Variants in HS3ST5 observed in about 807,000 individuals in gnomAD.
HS3ST5 encodes the protein heparan sulfate-glucosamine 3-sulfotransferase 5.
In HS3ST5, 10 loss-of-function variants were observed where a neutral mutation model predicts 25.4. The observed-to-expected ratio is 0.39, with a 90% CI of 0.24 to 0.67. HS3ST5 has a LOEUF of 0.67. Among genes scored for constraint, HS3ST5 ranks in the 30% least tolerant of loss-of-function variants. HS3ST5 has a pLI of 0.44. For synonymous variants in HS3ST5, 170 were observed against 162.4 expected (o/e 1.05, Z -0.36); for missense variants, 324 against 420.7 (o/e 0.77, Z 2.01).
At chr6:114,308,351 C>T (rs969786003) in intron 1 of HS3ST5, among the ~76,000 whole-genome samples, 3 of 152,042 alleles carry the variant, frequency 2.0e-5, no homozygotes, top group East Asian at 1.9e-4. Flanking sequence ...TTTGGGAGGC[C>T]GAGGCGGGCA....
At chr6:114,250,324 G>A (rs543811154) in intron 1 of HS3ST5, among the ~76,000 whole-genome samples, 5 of 152,202 alleles carry the variant, frequency 3.3e-5, no homozygotes, top group Admixed American at 6.5e-5. Flanking sequence ...GCTCAGGCCT[G>A]TAATCCCAGC....
chr6:114,212,648 C>A (rs763716547), intron 2 of HS3ST5, among the ~76,000 whole-genome samples: 3 of 152,224 alleles, frequency 2.0e-5, no homozygotes, highest in African/African-American at 4.8e-5. Flanking sequence ...AGAAAGCTCT[C>A]TCCATTTTAT....
intron 2 of HS3ST5, among the ~76,000 whole-genome samples, chr6:114,180,879 G>C (rs1396512002): frequency 6.6e-6 from 1 of 152,168 alleles, no homozygotes; most frequent in Non-Finnish European, 1.5e-5. Flanking sequence ...ATCCCTCAGA[G>C]CTAACCTATC....
chr6:114,184,540 T>C (rs1780125742), intron 2 of HS3ST5, among the ~76,000 whole-genome samples: 1 of 152,220 alleles, frequency 6.6e-6, no homozygotes, highest in South Asian at 2.1e-4. Context: ...TTTCACAGGA[T>C]GTGACCATAG....
At chr6:114,136,585 T>G (rs185859398) in intron 3 of HS3ST5, among the ~76,000 whole-genome samples, 1 of 152,264 alleles carries the variant, frequency 6.6e-6, no homozygotes, top group East Asian at 1.9e-4. Flanking sequence ...TGAAGTGAAT[T>G]GGGCATTAAC....
chr6:114,267,412 A>C (rs999323242), intron 1 of HS3ST5, among the ~76,000 whole-genome samples: 1 of 152,106 alleles, frequency 6.6e-6, no homozygotes, highest in Admixed American at 6.5e-5. Context: ...AGCACCTACC[A>C]CTTCCCACCA....
chr6:114,257,616 G>C (rs1772989536), intron 1 of HS3ST5, among the ~76,000 whole-genome samples: 1 of 152,172 alleles, frequency 6.6e-6, no homozygotes, highest in Admixed American at 6.5e-5. Flanking sequence ...TACCCTGGTT[G>C]AGGCAACCCT....
At chr6:114,271,184 C>T (rs1159644503) in intron 1 of HS3ST5, among the ~76,000 whole-genome samples, 1 of 152,072 alleles carries the variant, frequency 6.6e-6, no homozygotes, top group African/African-American at 2.4e-5. Flanking sequence ...TAAAACCTGG[C>T]TTCCAGTTGC....
At chr6:114,078,356 A>G (rs978119357) in intron 3 of HS3ST5, among the ~76,000 whole-genome samples, 7 of 151,956 alleles carry the variant, frequency 4.6e-5, no homozygotes, top group Non-Finnish European at 1.0e-4. Context: ...ACAGGCATGC[A>G]CCACCAAGCC....
At chr6:114,245,617 A>G (rs1203759809) in intron 1 of HS3ST5, among the ~76,000 whole-genome samples, 1 of 152,186 alleles carries the variant, frequency 6.6e-6, no homozygotes, top group Non-Finnish European at 1.5e-5. Context: ...ACATTGAAGC[A>G]TAATTTCAAC....
At chr6:114,276,444 T>C (rs1331380161) in intron 1 of HS3ST5, among the ~76,000 whole-genome samples, 1 of 151,902 alleles carries the variant, frequency 6.6e-6, no homozygotes, top group Non-Finnish European at 1.5e-5. Context: ...AAGTATTCAG[T>C]ATCTTTGTAA....
intron 3 of HS3ST5, chr6:114,084,366 T>A (rs1774649091): frequency 1.3e-6 from 1 of 756,980 alleles, no homozygotes; most frequent in Non-Finnish European, 2.4e-6. Context: ...AATCAGTCCA[T>A]TCACCCTGAA....
rs142187606 is a variant in HS3ST5 at position 114,306,563 on chromosome 6, C to G, written c.-339+35632G>C. 2.0e-3 allele frequency among the ~76,000 whole-genome samples: 303 copies of G among 151,920 alleles called. 2 individuals carry two copies. The highest frequency in any genetic ancestry group is 6.9e-3 in the Middle Eastern group (2 of 290). On this transcript the variant is annotated intron_variant, in intron 1 of 4. Transcript: ENST00000312719. ...TTTCTAAAGTGTTTCTATATTTTAGCTGTGAAGTGTTATACATCAATGCAA... is the reference window on the plus strand; with the variant it reads ...TTTCTAAAGTGTTTCTATATTTTAGGTGTGAAGTGTTATACATCAATGCAA...
At chr6:114,242,121 G>A (rs1772156642) in intron 1 of HS3ST5, among the ~76,000 whole-genome samples, 1 of 152,112 alleles carries the variant, frequency 6.6e-6, no homozygotes, top group Admixed American at 6.6e-5. Context: ...TTTTGGTTCA[G>A]CACTTGAAAT....
chr6:114,136,308 G>A (rs1368108431), intron 3 of HS3ST5, among the ~76,000 whole-genome samples: 3 of 152,140 alleles, frequency 2.0e-5, no homozygotes, highest in Admixed American at 6.5e-5. Context: ...TAGTGAATAA[G>A]TCTCATGAGA....
intron 1 of HS3ST5, among the ~76,000 whole-genome samples, chr6:114,233,065 T>C (rs1019301028): frequency 5.9e-5 from 9 of 152,092 alleles, no homozygotes; most frequent in African/African-American, 1.9e-4. Flanking sequence ...CACTCTTTTT[T>C]TTTTTTTTCA....
chr6:114,101,665 G>T (rs1775739992), intron 3 of HS3ST5, among the ~76,000 whole-genome samples: 2 of 152,178 alleles, frequency 1.3e-5, no homozygotes, highest in African/African-American at 4.8e-5. Context: ...ACTTAAAACA[G>T]AATTATCATT....
chr6:114,318,792 T>C (rs904205542), intron 1 of HS3ST5, among the ~76,000 whole-genome samples: 8 of 152,198 alleles, frequency 5.3e-5, no homozygotes, highest in African/African-American at 1.9e-4. Flanking sequence ...CCTTGTCAAG[T>C]TGTTATGAAG....
At chr6:114,266,780 G>GA (rs1773421277) in intron 1 of HS3ST5, among the ~76,000 whole-genome samples, 1 of 152,104 alleles carries the variant, frequency 6.6e-6, no homozygotes, top group South Asian at 2.1e-4. Flanking sequence ...AAAGTTTACA[G>GA]AACACCTATT....
Sources: allele counts gnomAD v4.1 joint callset (sites outside exome capture counted in the v4.1 genomes callset), GRCh38; gene constraint gnomAD v4.1.1; transcripts MANE v1.5; gene names NCBI Gene and HGNC (gene_info 2026-07-23, HGNC 2026-07-21).